Variants in CFAP54 observed in about 807,000 individuals in gnomAD.
The protein encoded by CFAP54 is cilia- and flagella-associated protein 54.
In CFAP54, 290 loss-of-function variants were observed where a neutral mutation model predicts 370.4. That is an observed-to-expected ratio of 0.78 (90% CI 0.71 to 0.86). The LOEUF (loss-of-function observed/expected upper bound fraction) is 0.86, where lower values mean the gene tolerates loss of function less well. Among genes scored for constraint, CFAP54 ranks in the 40% least tolerant of loss-of-function variants. The pLI, the probability that CFAP54 is intolerant of heterozygous loss-of-function variation, is 0.00. For missense variants in CFAP54, 3,399 were observed against 3,528.7 expected, an observed-to-expected ratio of 0.96 and a Z score of 0.93; for synonymous variants, 1,206 against 1,236.5, an observed-to-expected ratio of 0.98 and a Z score of 0.52.
At chr12:96,643,671 T>C (rs1470753999) in intron 32 of CFAP54, among the ~76,000 whole-genome samples, 1 of 152,198 alleles carries the variant, frequency 6.6e-6, no homozygotes, top group Non-Finnish European at 1.5e-5. Flanking sequence ...TATATTTTTT[T>C]CTGGAGCATA....
chr12:96,554,325 G>A lies in CFAP54; in HGVS notation c.2283+15G>A, dbSNP rs1365652091. 4.0e-6 allele frequency: 6 copies of A among 1,487,376 alleles called. No homozygotes were observed. The highest frequency in any genetic ancestry group is 5.3e-6 in the Non-Finnish European group (6 of 1,126,604). 92.1% of individuals were successfully genotyped at this position (1,487,376 alleles called of 1,614,324 possible). On this transcript the variant is annotated intron_variant, in intron 16 of 67. Transcript: ENST00000524981. Reference sequence around the variant, plus strand: ...GCTATGCCAAGGTAAGAATGGAAGAGTCTTAAATTAGATTGAAGTTTTACT... The same window carrying A: ...GCTATGCCAAGGTAAGAATGGAAGAATCTTAAATTAGATTGAAGTTTTACT...
chr12:96,628,356 T>G (rs1956568498), intron 30 of CFAP54, among the ~76,000 whole-genome samples: 1 of 152,164 alleles, frequency 6.6e-6, no homozygotes, highest in East Asian at 1.9e-4. Flanking sequence ...GGAGTTTAAT[T>G]TATTCAATGG....
chr12:96,505,225 G>A (rs369342214), intron 3 of CFAP54, among the ~76,000 whole-genome samples: 6 of 151,608 alleles, frequency 4.0e-5, no homozygotes, highest in East Asian at 3.9e-4. Flanking sequence ...CACCATGCCC[G>A]GCTAATTTTT....
intron 65 of CFAP54, 101 bp downstream of exon 65, chr12:96,818,014 C>A: frequency 1.1e-6 from 1 of 880,978 alleles, no homozygotes; most frequent in Non-Finnish European, 1.6e-6. Context: ...ATTCTTCTGC[C>A]TCTAGTTTAT....
Position 96,644,395 on chromosome 12 carries a change from C to T in CFAP54, c.4534C>T (p.His1512Tyr). ...TACGAAGATGAAATTTGGCACATCA[C>T]ATATGATGGTCAGGTATAGTATATT... ...ECTKMKFGTS[H>Y]MMVSFRSCDP... is the part of the protein sequence containing the mutation. Residue 1512 changes from histidine to tyrosine, a missense_variant, in exon 33 of 68, where the codon CAT becomes TAT. Physicochemically the swap from His to Tyr is moderately conservative, Grantham distance 83. Transcript: ENST00000524981. 6.5e-7 allele frequency: 1 copy of T among 1,531,920 alleles called. No individual in the cohort carries two copies. The allele number at this position is 1,531,920 out of a possible 1,614,324, so 94.9% of individuals were successfully genotyped here. A position where few individuals can be genotyped will look rare whatever the true frequency, so the allele number is the denominator to read the frequency against.
At chr12:96,640,888 A>C (rs1956719297) in intron 32 of CFAP54, among the ~76,000 whole-genome samples, 1 of 152,082 alleles carries the variant, frequency 6.6e-6, no homozygotes, top group Non-Finnish European at 1.5e-5. Flanking sequence ...GAAAGCTGAA[A>C]CTGGATCCCT....
In CFAP54 at chr12:96,576,764, A is replaced by G. The variant is rs1955982340; in HGVS notation, c.2796+3A>G. ...CTCCATTTACTTCAGAGGTTAAGGT[A>G]TGGTGTCCAGTAAAATTTTTGCCTC... On this transcript the variant is annotated splice_donor_region_variant and intron_variant, in intron 20 of 67. Coordinates refer to ENST00000524981, the MANE Select transcript of CFAP54 (RefSeq NM_001306084.2). 1 of 1,523,848 alleles carries G rather than the reference A, an allele frequency of 6.6e-7. No homozygotes were observed. Among genetic ancestry groups the G allele is most frequent in the South Asian group, 1.2e-5 (1 of 81,446 alleles). The allele number at this position is 1,523,848 out of a possible 1,614,324, so 94.4% of individuals were successfully genotyped here.
chr12:96,615,143 G>A (rs1277640426), intron 26 of CFAP54, among the ~76,000 whole-genome samples: 1 of 152,194 alleles, frequency 6.6e-6, no homozygotes, highest in African/African-American at 2.4e-5. Context: ...AAAACAGCAT[G>A]GTAGTGGTAC....
At chr12:96,561,632 A>G (rs1955817161) in intron 17 of CFAP54, among the ~76,000 whole-genome samples, 1 of 151,886 alleles carries the variant, frequency 6.6e-6, no homozygotes. Flanking sequence ...TTAGAAACCA[A>G]GATCTGTAAG....
At chr12:96,855,466 C>G (rs1389650613) in intron 66 of CFAP54, among the ~76,000 whole-genome samples, 1 of 152,218 alleles carries the variant, frequency 6.6e-6, no homozygotes, top group Non-Finnish European at 1.5e-5. Context: ...AGGTTAGTTA[C>G]TTCCTAGATA....
chr12:96,786,523 T>A (rs1335860234), intron 61 of CFAP54, among the ~76,000 whole-genome samples, 152 bp from the exon 62 acceptor site: 1 of 152,184 alleles, frequency 6.6e-6, no homozygotes, highest in East Asian at 1.9e-4. Flanking sequence ...ATTCCATTAG[T>A]GTATAAGCTC....
chr12:96,762,678 C>G (rs1318589234), intron 58 of CFAP54, among the ~76,000 whole-genome samples: 1 of 152,142 alleles, frequency 6.6e-6, no homozygotes, highest in African/African-American at 2.4e-5. Flanking sequence ...AGTCTTGTTA[C>G]CAGAATTTAA....
chr12:96,671,968 AAGAG>A (rs145541657), intron 39 of CFAP54, among the ~76,000 whole-genome samples: 16 of 150,132 alleles, frequency 1.1e-4, no homozygotes, highest in African/African-American at 3.4e-4. Context: ...GAAAGAAAGA[AAGAG>A]AGAGAGAGAG....
chr12:96,832,971 G>C (rs1324122689), intron 66 of CFAP54, among the ~76,000 whole-genome samples: 1 of 152,276 alleles, frequency 6.6e-6, no homozygotes, highest in East Asian at 1.9e-4. Flanking sequence ...AGAAGATCTT[G>C]CTGTGCAATT....
intron 60 of CFAP54, among the ~76,000 whole-genome samples, chr12:96,765,642 T>A (rs1305187754): frequency 6.6e-6 from 1 of 152,228 alleles, no homozygotes; most frequent in African/African-American, 2.4e-5. Flanking sequence ...GCTCTTTCTC[T>A]CATTAAATTA....
intron 26 of CFAP54, among the ~76,000 whole-genome samples, chr12:96,620,032 A>T (rs1428810752): frequency 1.3e-5 from 2 of 152,178 alleles, no homozygotes; most frequent in African/African-American, 2.4e-5. Context: ...AAAAAAACTC[A>T]CAAAATTTAT....
At chr12:96,759,273 T>C (rs12320487) in intron 58 of CFAP54, among the ~76,000 whole-genome samples, 55,018 of 151,060 alleles carry the variant, frequency 0.36, 10,781 homozygotes, top group East Asian at 0.58. Context: ...TTGATAAACA[T>C]GTTTATTTCC....
chr12:96,513,005 C>T lies in CFAP54; in HGVS notation c.759C>T (p.Thr253=). 1 of 1,516,980 alleles carries T rather than the reference C, an allele frequency of 6.6e-7. No homozygotes were observed. The highest frequency in any genetic ancestry group is 8.8e-7 in the Non-Finnish European group (1 of 1,136,776). 94.0% of individuals were successfully genotyped at this position (1,516,980 alleles called of 1,614,324 possible). A position where few individuals can be genotyped will look rare whatever the true frequency, so the allele number is the denominator to read the frequency against. Residue 253 remains threonine, a synonymous_variant, in exon 5 of 68, where the codon ACC becomes ACT. Transcript: ENST00000524981. The part of the protein sequence containing the change: ...IIFNGTIYIY[T]ICRKLMVIGQ... ...ATCCAGGTACCATTTATATTTACAC[C>T]ATTTGCAGAAAACTGATGGTCATAG...
At chr12:96,553,673 A>G (rs1390240289) in intron 15 of CFAP54, among the ~76,000 whole-genome samples, 3 of 151,344 alleles carry the variant, frequency 2.0e-5, no homozygotes, top group Admixed American at 6.6e-5. Flanking sequence ...TGCTCTTTAC[A>G]TTATTCTCTA....
Sources: gnomAD v4.1 joint callset for allele counts (sites outside exome capture counted in the v4.1 genomes callset) on GRCh38, gnomAD v4.1.1 for gene constraint, MANE v1.5 for transcripts, NCBI Gene and HGNC (gene_info 2026-07-23, HGNC 2026-07-21) for gene names.